HEXB: variants seen among roughly 807,000 people sequenced by gnomAD.
HEXB encodes the protein beta-hexosaminidase subunit beta.
In HEXB, 51 loss-of-function variants were observed where a neutral mutation model predicts 71.2. That is an observed-to-expected ratio of 0.72 (90% CI 0.57 to 0.90). The LOEUF (loss-of-function observed/expected upper bound fraction) is 0.90, where lower values mean the gene tolerates loss of function less well. Ranked by LOEUF, HEXB falls within the 40% of genes least tolerant of loss-of-function variation. The pLI is 0.00. For synonymous variants in HEXB, 266 were observed against 249.3 expected, an observed-to-expected ratio of 1.07 and a Z score of -0.63; for missense variants, 617 against 677.0, an observed-to-expected ratio of 0.91 and a Z score of 0.98.
At chr5:74,716,929 C>T (rs1749685195) in intron 9 of HEXB, 2 of 309,588 alleles carry the variant, frequency 6.5e-6, no homozygotes, top group East Asian at 8.0e-5. Flanking sequence ...GTGGCTCACA[C>T]CTGTAATCCC....
intron 3 of HEXB, among the ~76,000 whole-genome samples, chr5:74,694,719 C>T (rs1268912226): frequency 6.6e-6 from 1 of 152,082 alleles, no homozygotes; most frequent in Admixed American, 6.6e-5. Context: ...AATCCCACCA[C>T]TTTGGGAGGT....
At chr5:74,654,328 C>G (rs139953621) in intron 1 of HEXB, among the ~76,000 whole-genome samples, 1 of 152,100 alleles carries the variant, frequency 6.6e-6, no homozygotes, top group Non-Finnish European at 1.5e-5. Context: ...GCATTTCTAA[C>G]GAGCTCCCAG....
intron 3 of HEXB, among the ~76,000 whole-genome samples, chr5:74,695,553 T>C (rs550112388): frequency 6.7e-6 from 1 of 149,014 alleles, no homozygotes; most frequent in South Asian, 2.2e-4. Flanking sequence ...TAAAGAACTC[T>C]AGCAAGGCTG....
Position 74,720,656 on chromosome 5 carries a change from G to A in HEXB, c.1522G>A (p.Ala508Thr). The change falls in exon 13 of 14, where the codon GCT (alanine) becomes ACT (threonine). Residue 508 changes from alanine (A) to threonine (T), a missense_variant. Coordinates refer to ENST00000261416, the MANE Select transcript of HEXB (RefSeq NM_000521.4). ...TTTAAATTTTAGGCCTCGGGCAAGT[G>A]CTGTTGGTGAGAGACTCTGGAGTTC... Reference protein sequence around the residue: ...LTPRLWPRASAVGERLWSSKD... With the variant: ...LTPRLWPRASTVGERLWSSKD... 1 of 1,614,132 alleles carries A rather than the reference G, an allele frequency of 6.2e-7. No homozygotes were observed. The highest frequency in any genetic ancestry group is 8.5e-7 in the Non-Finnish European group (1 of 1,179,982).
At chr5:74,714,703 A>G (rs746681344) in intron 7 of HEXB, among the ~76,000 whole-genome samples, 17 of 152,242 alleles carry the variant, frequency 1.1e-4, no homozygotes, top group Non-Finnish European at 1.6e-4. Context: ...AGTAGTAGCT[A>G]TCATGTAATT....
intron 1 of HEXB, among the ~76,000 whole-genome samples, chr5:74,668,259 T>TG (rs1748471603): frequency 6.6e-6 from 1 of 150,720 alleles, no homozygotes; most frequent in East Asian, 1.9e-4. Context: ...TGTGTGTGTG[T>TG]TTCTCAGCAC....
At chr5:74,685,762 G>T (rs971633016) in intron 1 of HEXB, among the ~76,000 whole-genome samples, 2 of 152,156 alleles carry the variant, frequency 1.3e-5, no homozygotes, top group Admixed American at 6.5e-5. Context: ...CACCTTGGGT[G>T]CTCAGGAACC....
chr5:74,697,586 C>T (rs539365241), intron 5 of HEXB, among the ~76,000 whole-genome samples: 9 of 151,926 alleles, frequency 5.9e-5, no homozygotes, highest in African/African-American at 1.4e-4. Flanking sequence ...ATTAGCCAGG[C>T]GTGGTAGCGT....
At chr5:74,677,857 C>A (rs551021226) in intron 1 of HEXB, among the ~76,000 whole-genome samples, 8 of 152,158 alleles carry the variant, frequency 5.3e-5, no homozygotes, top group African/African-American at 1.7e-4. Flanking sequence ...TCCTTTCCCA[C>A]CCTCCCCTTT....
chr5:74,660,080 A>C (rs1748291787), intron 1 of HEXB, among the ~76,000 whole-genome samples: 2 of 152,168 alleles, frequency 1.3e-5, no homozygotes, highest in African/African-American at 4.8e-5. Flanking sequence ...AAAAAAAATA[A>C]ATGAATAAAT....
chr5:74,664,473 GA>G (rs1389439324), intron 1 of HEXB, among the ~76,000 whole-genome samples: 1 of 139,764 alleles, frequency 7.2e-6, no homozygotes, highest in Non-Finnish European at 1.5e-5. Flanking sequence ...AGAGAATACT[GA>G]ATAGATGGCG....
chr5:74,715,021 A>T (rs1749637554), intron 7 of HEXB, among the ~76,000 whole-genome samples: 1 of 152,218 alleles, frequency 6.6e-6, no homozygotes, highest in South Asian at 2.1e-4. Context: ...GACATTCTGG[A>T]AATATCCATA....
rs147098680 is a variant in HEXB, at chr5:74,644,729, G to T, written c.-377+4171G>T. ...TATGTTTATGTTAAATATCTGTCAT[G>T]ATAAACCTTGAGAGTATTCTTCCTC... On this transcript the variant is annotated intron_variant, in intron 1 of 13. Coordinates refer to the HEXB transcript ENST00000511181. Among the ~76,000 whole-genome samples, 357 of 142,048 alleles carry T rather than the reference G, an allele frequency of 2.5e-3. 8 individuals carry two copies. The highest frequency in any genetic ancestry group is 0.023 in the Admixed American group (331 of 14,116). 93.2% of individuals were successfully genotyped at this position (142,048 alleles called of 152,430 possible). A position where few individuals can be genotyped will look rare whatever the true frequency, so the allele number is the denominator to read the frequency against.
intron 6 of HEXB, 156 bp downstream of exon 6, chr5:74,705,476 A>G: frequency 1.3e-5 from 8 of 634,516 alleles, no homozygotes; most frequent in Non-Finnish European, 1.7e-5. Flanking sequence ...AGCATTTTAC[A>G]TCCATAAAAC....
chr5:74,678,489 A>T (rs1385062012), intron 1 of HEXB, among the ~76,000 whole-genome samples: 4 of 151,936 alleles, frequency 2.6e-5, no homozygotes, highest in Non-Finnish European at 4.4e-5. Context: ...GGAATAGCCT[A>T]TTCAATATAT....
chr5:74,716,670 A>G lies in HEXB; in HGVS notation c.1166A>G (p.Gln389Arg), dbSNP rs1223714475. ...AAGAAACTAGAATCTTTCTACATTC[A>G]AAAGTAAGTTGTTTGAAAGCCTATT... ...DFKKLESFYI[Q>R]KVLDIIATIN... Residue 389 changes from glutamine (Q) to arginine (R), a missense_variant, in exon 9 of 14, where the codon CAA (glutamine) becomes CGA (arginine). By Grantham distance (43) the Gln-to-Arg change is conservative (BLOSUM62 1). Coordinates refer to ENST00000261416, the MANE Select transcript of HEXB (RefSeq NM_000521.4). 1.3e-6 allele frequency: 2 copies of G among 1,582,608 alleles called. No individual in the cohort carries two copies. Among genetic ancestry groups the G allele is most frequent in the Non-Finnish European group, 1.7e-6 (2 of 1,154,228 alleles).
chr5:74,705,125 G>T, intron 5 of HEXB, 94 bp from the exon 6 acceptor site: 6 of 713,966 alleles, frequency 8.4e-6, no homozygotes, highest in Admixed American at 2.1e-5. Context: ...TTTAAAGGAA[G>T]CAGACATATT....
intron 1 of HEXB, among the ~76,000 whole-genome samples, chr5:74,667,343 C>T (rs1273139085): frequency 3.3e-5 from 5 of 151,930 alleles, no homozygotes; most frequent in Admixed American, 1.3e-4. Flanking sequence ...CACTTGAACC[C>T]GGGAGGCAGA....
In HEXB at chr5:74,652,159, A is replaced by G. The variant is rs1421099078; in HGVS notation, c.-377+11601A>G. 6.6e-6 allele frequency among the ~76,000 whole-genome samples: 1 copy of G among 152,146 alleles called. No homozygotes were observed. The highest frequency in any genetic ancestry group is 6.5e-5 in the Admixed American group (1 of 15,274). ...TAATACATATGCATGGATCAACCAT[A>G]AATAATAATTAATGTCCATTTAGAG... On this transcript the variant is annotated intron_variant, in intron 1 of 13. Transcript: ENST00000511181. This position sits in a 1 kb window ranked among gnomAD's most constrained non-coding sequence, Gnocchi z 5.4.
Sources: allele counts gnomAD v4.1 joint callset (sites outside exome capture counted in the v4.1 genomes callset), GRCh38; gene constraint gnomAD v4.1.1; non-coding constraint Gnocchi (gnomAD v3.1); transcripts MANE v1.5; gene names NCBI Gene and HGNC (gene_info 2026-07-23, HGNC 2026-07-21).